Variants in GOLGA1 observed in about 807,000 individuals in gnomAD.
GOLGA1 encodes golgin subfamily A member 1.
In GOLGA1, 63 loss-of-function variants were observed where a neutral mutation model predicts 119.7. That is an observed-to-expected ratio of 0.53 (90% CI 0.43 to 0.65). The LOEUF (loss-of-function observed/expected upper bound fraction) is 0.65, where lower values mean the gene tolerates loss of function less well. GOLGA1 is among the 30% of genes least tolerant of loss of function. The pLI is 0.00. For missense variants in GOLGA1, 798 were observed against 912.8 expected (o/e 0.87, Z 1.62); for synonymous variants, 318 against 333.4 (o/e 0.95, Z 0.50).
chr9:124,898,898 G>A (rs1254597800), intron 14 of GOLGA1, among the ~76,000 whole-genome samples: 1 of 152,174 alleles, frequency 6.6e-6, no homozygotes, highest in Non-Finnish European at 1.5e-5. Context: ...TCTCTGGAAA[G>A]ATAAGAACTG....
intron 10 of GOLGA1, among the ~76,000 whole-genome samples, chr9:124,917,140 T>C (rs1288579529): frequency 6.6e-6 from 1 of 152,006 alleles, no homozygotes; most frequent in Non-Finnish European, 1.5e-5. Context: ...CTGACAACAT[T>C]AGAAAGCAAA....
chr9:124,914,640 C>T (rs1830406502), intron 10 of GOLGA1, among the ~76,000 whole-genome samples: 1 of 152,212 alleles, frequency 6.6e-6, no homozygotes, highest in African/African-American at 2.4e-5. Context: ...CAAGGGAACG[C>T]TGCAAGCACT....
chr9:124,933,489 T>C (rs1830809994), intron 3 of GOLGA1, among the ~76,000 whole-genome samples: 1 of 152,158 alleles, frequency 6.6e-6, no homozygotes, highest in Non-Finnish European at 1.5e-5. Context: ...GGTACAATGT[T>C]GGCTCACTGT....
rs569406229 is a variant in GOLGA1 at position 124,905,649 on chromosome 9, T to C, written c.1065+2728A>G. 2.6e-5 allele frequency among the ~76,000 whole-genome samples: 4 copies of C among 152,092 alleles called. No individual in the cohort carries two copies. The East Asian group carries it at 5.8e-4, about 22-fold the overall frequency. On this transcript the variant is annotated intron_variant, in intron 12 of 22. Transcript: ENST00000373555. ...GAAAATGGAATAAGAGGTGGGAAGA[T>C]TGGAAGGAGTAAGATAAAGTTGTCA...
rs183019062 is a variant in GOLGA1 at position 124,915,693 on chromosome 9, A to G, written c.844-3667T>C. ...AGGGAGATCTTTTCTCTACAAAAGT[A>G]AAAAAATTGAAAACAAAAAAGGTTG... On this transcript the variant is annotated intron_variant, in intron 10 of 22. Transcript: ENST00000373555. 5.5e-3 allele frequency among the ~76,000 whole-genome samples: 842 copies of G among 152,228 alleles called. 6 individuals are homozygous for G. The highest frequency in any genetic ancestry group is 8.9e-3 in the Non-Finnish European group (604 of 68,014).
At position 124,899,369 on chromosome 9, in the gene GOLGA1, C is replaced by G; in HGVS notation, c.1271G>C (p.Arg424Thr). 2 of 1,549,592 alleles carry G rather than the reference C, an allele frequency of 1.3e-6. No homozygotes were observed. The highest frequency in any genetic ancestry group is 1.7e-6 in the Non-Finnish European group (2 of 1,147,086). The stretch of plus-strand genomic sequence containing the variant: ...GGTGGTCTGGTCAGCTGCCCGCGTT[C>G]TCTCCAGGGCCACTATCTGGGCTTC... ...ALEAQIVALE[R>T]TRAADQTTAE... Residue 424 changes from arginine (R) to threonine (T), a missense_variant, in exon 14 of 23, where the codon AGA (arginine) becomes ACA (threonine). Arg to Thr is a moderately conservative substitution (Grantham distance 71). Coordinates refer to ENST00000373555, the MANE Select transcript of GOLGA1 (RefSeq NM_002077.4).
intron 11 of GOLGA1, among the ~76,000 whole-genome samples, chr9:124,909,271 C>A (rs1830290376): frequency 6.6e-6 from 1 of 151,120 alleles, no homozygotes; most frequent in Admixed American, 6.6e-5. Flanking sequence ...GAGATTGTAC[C>A]ACTGAACTCC....
chr9:124,907,639 A>G (rs1212578228), intron 12 of GOLGA1, among the ~76,000 whole-genome samples: 3 of 152,224 alleles, frequency 2.0e-5, no homozygotes, highest in African/African-American at 7.2e-5. Flanking sequence ...AAAATAAGGA[A>G]AGGATATGAA....
intron 12 of GOLGA1, among the ~76,000 whole-genome samples, chr9:124,907,111 A>C (rs935639566): frequency 5.9e-5 from 9 of 152,234 alleles, no homozygotes; most frequent in African/African-American, 2.2e-4. Context: ...TAGTACAGAT[A>C]TCACTATAGT....
At chr9:124,908,850 C>T (rs558513492) in intron 11 of GOLGA1, among the ~76,000 whole-genome samples, 2 of 152,334 alleles carry the variant, frequency 1.3e-5, no homozygotes, top group East Asian at 3.9e-4. Context: ...GCTATGTGAA[C>T]AGCCTGCTAC....
chr9:124,894,216 T>C (rs1349263890), intron 15 of GOLGA1, among the ~76,000 whole-genome samples: 1 of 152,228 alleles, frequency 6.6e-6, no homozygotes, highest in Non-Finnish European at 1.5e-5. Flanking sequence ...CTGCGGCTCC[T>C]TTGGCGTCTT....
chr9:124,913,490 T>C (rs1163760061), intron 10 of GOLGA1, among the ~76,000 whole-genome samples: 1 of 152,164 alleles, frequency 6.6e-6, no homozygotes, highest in East Asian at 1.9e-4. Context: ...GCCATAAACT[T>C]TCATGTTCAG....
intron 7 of GOLGA1, among the ~76,000 whole-genome samples, chr9:124,926,053 T>C (rs1830665472): frequency 2.6e-5 from 4 of 152,110 alleles, no homozygotes; most frequent in Admixed American, 1.3e-4. Flanking sequence ...TTCCTAATAT[T>C]ACCACGTGTC....
chr9:124,900,665 G>A (rs1395432902), intron 12 of GOLGA1, 118 bp from the exon 13 acceptor site: 1 of 532,064 alleles, frequency 1.9e-6, no homozygotes, highest in Non-Finnish European at 3.4e-6. Context: ...AATGTAACCT[G>A]AGAAAAAAGA....
chr9:124,922,389 C>T (rs912482764), intron 8 of GOLGA1, among the ~76,000 whole-genome samples: 2 of 150,558 alleles, frequency 1.3e-5, no homozygotes, highest in African/African-American at 2.4e-5. Context: ...ACCACCTCTA[C>T]AAAAAATACA....
chr9:124,894,935 C>CA (rs551276156), intron 15 of GOLGA1, among the ~76,000 whole-genome samples: 3 of 84,848 alleles, frequency 3.5e-5, no homozygotes, highest in Admixed American at 1.2e-4. Flanking sequence ...AACAGAGACC[C>CA]TCCACAACAG....
chr9:124,932,308 C>T (rs1195125883), intron 3 of GOLGA1, among the ~76,000 whole-genome samples: 1 of 152,128 alleles, frequency 6.6e-6, no homozygotes, highest in African/African-American at 2.4e-5. Flanking sequence ...CATTGTATCC[C>T]CAAAATGTTT....
intron 14 of GOLGA1, among the ~76,000 whole-genome samples, chr9:124,899,126 G>A (rs2131406235): frequency 6.6e-6 from 1 of 152,280 alleles, no homozygotes; most frequent in African/African-American, 2.4e-5. Context: ...AGTCTGAGAG[G>A]TCGAGGCTGC....
At chr9:124,904,517 T>C (rs1206016653) in intron 12 of GOLGA1, among the ~76,000 whole-genome samples, 7 of 152,134 alleles carry the variant, frequency 4.6e-5, no homozygotes, top group Admixed American at 4.6e-4. Flanking sequence ...ATTCAAGAAA[T>C]TAAACAAATT....
Sources: allele counts gnomAD v4.1 joint callset (sites outside exome capture counted in the v4.1 genomes callset), GRCh38; gene constraint gnomAD v4.1.1; transcripts MANE v1.5; gene names NCBI Gene and HGNC (gene_info 2026-07-23, HGNC 2026-07-21).